RAB11FIP4: variants seen among roughly 807,000 people sequenced by gnomAD.
RAB11FIP4 encodes RAB11 family interacting protein 4, also known as rab11 family-interacting protein 4.
RAB11FIP4 carries 23 observed loss-of-function variants against 74.3 expected under a neutral mutation model. The observed-to-expected ratio is 0.31, with a 90% CI of 0.22 to 0.44. RAB11FIP4 has a LOEUF of 0.44. Ranked by LOEUF, RAB11FIP4 falls within the 20% of genes least tolerant of loss-of-function variation. The pLI, the probability that RAB11FIP4 is intolerant of heterozygous loss-of-function variation, is 1.00. For missense variants in RAB11FIP4, 630 were observed against 863.9 expected (o/e 0.73, Z 3.39); for synonymous variants, 360 against 359.9 (o/e 1.00, Z 0.00).
At position 31,521,431 on chromosome 17, in the gene RAB11FIP4, T is replaced by TG. The variant is rs370494101; in HGVS notation, c.758+78dup. 3.2e-3 allele frequency: 4,503 copies of TG among 1,395,822 alleles called. 81 individuals carry two copies. The African/African-American group carries it at 0.053, about 16-fold the overall frequency. 86.5% of individuals were successfully genotyped at this position (1,395,822 alleles called of 1,614,324 possible). ...AGCAATTTAAGCACATCCTAGGGGG[T>TG]GGGGGGGTGCGAGTCCTGAGCTGGC... is the stretch of plus-strand genomic sequence containing the variant. On this transcript the variant is annotated intron_variant, in intron 5 of 14. Transcript: ENST00000621161.
chr17:31,405,852 A>G (rs2071037019), intron 1 of RAB11FIP4, among the ~76,000 whole-genome samples: 1 of 152,166 alleles, frequency 6.6e-6, no homozygotes, highest in African/African-American at 2.4e-5. Flanking sequence ...GGTGTGAGCT[A>G]TCGTGACCCT....
At chr17:31,515,452 G>T (rs882361) in intron 3 of RAB11FIP4, among the ~76,000 whole-genome samples, 47,570 of 119,884 alleles carry the variant, frequency 0.4, 8,494 homozygotes, top group South Asian at 0.61. Context: ...CCAGGCTCAT[G>T]ATAATATTGC....
In RAB11FIP4 at chr17:31,441,600, T is replaced by C. The variant is rs903853355; in HGVS notation, c.336+7478T>C. Among the ~76,000 whole-genome samples, 8 of 152,044 alleles carry C rather than the reference T, an allele frequency of 5.3e-5. No homozygotes were observed. The East Asian group carries it at 7.8e-4, about 15-fold the overall frequency. ...TGGAGTGCAGCAGTGTGATCTCGGC[T>C]CACTGCAATCTCTGCCTCCCGGGTT... is the stretch of plus-strand genomic sequence containing the variant. On this transcript the variant is annotated intron_variant, in intron 3 of 14. Coordinates refer to ENST00000621161, the MANE Select transcript of RAB11FIP4 (RefSeq NM_032932.6).
chr17:31,528,789 C>G lies in RAB11FIP4; in HGVS notation c.1653+11C>G, dbSNP rs529165902. 21 of 1,602,550 alleles carry G rather than the reference C, an allele frequency of 1.3e-5. No individual in the cohort carries two copies. Among genetic ancestry groups the G allele is most frequent in the Middle Eastern group, 2.2e-4 (1 of 4,464 alleles). ...AAGCGGCTCAAGCAGGTGGGTCTAGCAGTCTCTGTGTCCAGTGGGGCAGGG... is the reference window on the plus strand; with the variant it reads ...AAGCGGCTCAAGCAGGTGGGTCTAGGAGTCTCTGTGTCCAGTGGGGCAGGG... On this transcript the variant is annotated intron_variant, in intron 13 of 14. Coordinates refer to ENST00000621161, the MANE Select transcript of RAB11FIP4 (RefSeq NM_032932.6).
rs2072711711 is a variant in RAB11FIP4, at chr17:31,523,703, G to C, written c.1029+92G>C. ...CAGGCTACTGTCTGGGGACTTGGGA[G>C]ACCCTGTACCTGCCTAGGAATTGGG... On this transcript the variant is annotated intron_variant, in intron 8 of 14. Coordinates refer to ENST00000621161, the MANE Select transcript of RAB11FIP4 (RefSeq NM_032932.6). 19 of 1,305,122 alleles carry C rather than the reference G, an allele frequency of 1.5e-5. No individual in the cohort carries two copies. In the South Asian group the frequency reaches 2.2e-4, roughly 15 times the overall value. 80.8% of individuals were successfully genotyped at this position (1,305,122 alleles called of 1,614,324 possible). A position where few individuals can be genotyped will look rare whatever the true frequency, so the allele number is the denominator to read the frequency against.
chr17:31,493,234 CATT>C (rs1373487723), intron 3 of RAB11FIP4, among the ~76,000 whole-genome samples: 2 of 152,200 alleles, frequency 1.3e-5, no homozygotes, highest in Non-Finnish European at 2.9e-5. Flanking sequence ...ACAATGTAAA[CATT>C]AATTCAGATG....
In RAB11FIP4 at chr17:31,527,843, G is replaced by T. The variant is rs149307417; in HGVS notation, c.1276G>T (p.Val426Leu). The change falls in exon 11 of 15, where the codon GTG becomes TTG. Residue 426 changes from valine to leucine, a missense_variant and splice_region_variant. Val to Leu is a conservative substitution (Grantham distance 32). Coordinates refer to ENST00000621161, the MANE Select transcript of RAB11FIP4 (RefSeq NM_032932.6). ...GATTTGTCTTTCTCCTTTCGCCAGG[G>T]TGCAGCAGTTGGAGGAAGAAAATAC... is the stretch of plus-strand genomic sequence containing the variant. ...ATEVELLNAR[V>L]QQLEEENTEL... 1,647 of 1,604,268 alleles carry T rather than the reference G, an allele frequency of 1.0e-3. 10 individuals carry two copies. Among genetic ancestry groups the T allele is most frequent in the Middle Eastern group, 7.3e-3 (44 of 6,050 alleles).
chr17:31,461,133 C>T (rs1410911474), intron 3 of RAB11FIP4, among the ~76,000 whole-genome samples: 3 of 151,840 alleles, frequency 2.0e-5, no homozygotes, highest in Admixed American at 1.3e-4. Flanking sequence ...GACTCCCACC[C>T]TTAGCTTCCT....
chr17:31,396,566 T>A (rs2070933599), intron 1 of RAB11FIP4, among the ~76,000 whole-genome samples: 1 of 152,168 alleles, frequency 6.6e-6, no homozygotes, highest in East Asian at 1.9e-4. Context: ...CTTGCAAGCA[T>A]TTTTGAGAGG....
chr17:31,435,571 A>G (rs968329400), intron 3 of RAB11FIP4, among the ~76,000 whole-genome samples: 2 of 151,784 alleles, frequency 1.3e-5, no homozygotes, highest in African/African-American at 4.9e-5. Context: ...CCTTTTCCCC[A>G]GTTCTGATGG....
chr17:31,461,046 G>A (rs1421415214), intron 3 of RAB11FIP4, among the ~76,000 whole-genome samples: 1 of 145,730 alleles, frequency 6.9e-6, no homozygotes, highest in Non-Finnish European at 1.5e-5. Flanking sequence ...GACCTCCAGA[G>A]CCCCCACATA....
rs899082307 is a variant in RAB11FIP4, at chr17:31,525,164, G to A, written c.1208G>A (p.Arg403His). The change falls in exon 10 of 15, where the codon CGC becomes CAC. Residue 403 changes from arginine (R) to histidine (H), a missense_variant. Transcript: ENST00000621161. ...AEQALEEEARRHREAYGKLER... is the reference protein window; with the variant it reads ...AEQALEEEARHHREAYGKLER... ...CAGGCTCTGGAGGAGGAGGCGCGGC[G>A]CCACCGCGAGGCCTACGGCAAGCTG... 37 of 1,549,078 alleles carry A rather than the reference G, an allele frequency of 2.4e-5. No individual in the cohort carries two copies. Among genetic ancestry groups the A allele is most frequent in the East Asian group, 2.4e-5 (1 of 40,874 alleles).
intron 3 of RAB11FIP4, among the ~76,000 whole-genome samples, chr17:31,516,314 G>A (rs1267819265): frequency 1.3e-5 from 2 of 151,370 alleles, no homozygotes; most frequent in African/African-American, 2.4e-5. Flanking sequence ...CCCTTACACC[G>A]TGCACCAAGA....
At chr17:31,529,820 C>T (rs963572626) in intron 13 of RAB11FIP4, among the ~76,000 whole-genome samples, 1 of 152,200 alleles carries the variant, frequency 6.6e-6, no homozygotes, top group Non-Finnish European at 1.5e-5. Context: ...TGCCCAGGGT[C>T]CCAGGTGTGA....
intron 3 of RAB11FIP4, among the ~76,000 whole-genome samples, chr17:31,479,645 T>C (rs968462828): frequency 4.6e-5 from 7 of 152,294 alleles, no homozygotes; most frequent in African/African-American, 1.7e-4. Context: ...TAATTTATTA[T>C]CACTGGAGAA....
At chr17:31,467,827 C>T (rs1030926761) in intron 3 of RAB11FIP4, among the ~76,000 whole-genome samples, 1 of 152,220 alleles carries the variant, frequency 6.6e-6, no homozygotes, top group Non-Finnish European at 1.5e-5. Flanking sequence ...GAATCTGCCC[C>T]GAGCTTGGGG....
In RAB11FIP4 at chr17:31,525,733, C is replaced by A. The variant is rs139286852; in HGVS notation, c.1274+503C>A. The A allele has an allele frequency of 3.9e-4, 63 of 162,728 alleles. No homozygotes were observed. The East Asian group carries it at 8.7e-3, about 22-fold the overall frequency. 10.1% of individuals were successfully genotyped at this position (162,728 alleles called of 1,614,324 possible). On this transcript the variant is annotated intron_variant, in intron 10 of 14. Transcript: ENST00000621161. ...CCATGGCCTTGGACGTACTGGGTCA[C>A]CTCCCTGTGTGCCCCACAGAGCGGC...
chr17:31,444,126 C>T lies in RAB11FIP4; in HGVS notation c.336+10004C>T, dbSNP rs532663254. ...ATCTAAGCCCACCCTCGCTTCATTT[C>T]ATCCATCCTGAAACAAGCATTTCTA... On this transcript the variant is annotated intron_variant, in intron 3 of 14. Transcript: ENST00000621161. Among the ~76,000 whole-genome samples, 6 of 152,324 alleles carry T rather than the reference C, an allele frequency of 3.9e-5. No individual in the cohort carries two copies. The South Asian group carries it at 1.2e-3, about 32-fold the overall frequency.
intron 3 of RAB11FIP4, among the ~76,000 whole-genome samples, chr17:31,437,428 C>A (rs547826647): frequency 6.6e-6 from 1 of 152,110 alleles, no homozygotes; most frequent in Non-Finnish European, 1.5e-5. Context: ...CGGCTCTCTG[C>A]GCCCTGCTGT....
Sources: allele counts gnomAD v4.1 joint callset (sites outside exome capture counted in the v4.1 genomes callset), GRCh38; gene constraint gnomAD v4.1.1; transcripts MANE v1.5; gene names NCBI Gene and HGNC (gene_info 2026-07-23, HGNC 2026-07-21).